GALNT13: variants seen among roughly 807,000 people sequenced by gnomAD.
GALNT13 encodes UDP-GalNAc:polypeptide N-acetylgalactosaminyltransferase 13.
Under a neutral mutation model 64.2 loss-of-function variants are expected in GALNT13, and 28 were observed. That is an observed-to-expected ratio of 0.44 (90% confidence interval 0.32 to 0.60). The LOEUF is 0.60. Ranked by LOEUF, GALNT13 falls within the 20% of genes least tolerant of loss-of-function variation. The pLI, the probability that GALNT13 is intolerant of heterozygous loss-of-function variation, is 0.05. For missense variants in GALNT13, 577 were observed against 669.8 expected (o/e 0.86, Z 1.53); for synonymous variants, 214 against 224.6 (o/e 0.95, Z 0.42).
the GALNT13 span, among the ~76,000 whole-genome samples, chr2:153,635,428 G>GTA: frequency 1.4e-3 from 198 of 142,402 alleles, 4 homozygotes; most frequent in Middle Eastern, 3.7e-3. Flanking sequence ...ACATATATAT[G>GTA]TATATATATA....
At chr2:154,196,254 G>A (rs182203027) in intron 4 of GALNT13, among the ~76,000 whole-genome samples, 6 of 151,006 alleles carry the variant, frequency 4.0e-5, no homozygotes, top group African/African-American at 4.8e-5. Context: ...CATGAATTAC[G>A]TGTGAGAATT....
At chr2:153,925,498 C>CT (rs35443709) in intron 2 of GALNT13, among the ~76,000 whole-genome samples, 21,356 of 117,386 alleles carry the variant, frequency 0.18, 2,447 homozygotes, top group Middle Eastern at 0.29. Flanking sequence ...AAGCCTCGAG[C>CT]TTTTTTTTTT....
chr2:154,088,655 A>T (rs1476720076), intron 3 of GALNT13, among the ~76,000 whole-genome samples: 2 of 151,936 alleles, frequency 1.3e-5, no homozygotes, highest in African/African-American at 4.8e-5. Context: ...GTTTCCCCAC[A>T]TTGGCCATGC....
At chr2:153,559,199 T>C in the GALNT13 span, among the ~76,000 whole-genome samples, 3 of 152,320 alleles carry the variant, frequency 2.0e-5, no homozygotes, top group African/African-American at 7.2e-5. Context: ...CCTAATTCTA[T>C]GTAATAGCCA....
intron 3 of GALNT13, among the ~76,000 whole-genome samples, chr2:154,093,902 C>G (rs967925515): frequency 6.6e-6 from 1 of 151,450 alleles, no homozygotes; most frequent in Admixed American, 6.6e-5. Flanking sequence ...TTGTTAAACT[C>G]GATAAAAGCT....
the GALNT13 span, among the ~76,000 whole-genome samples, chr2:153,699,407 C>T: frequency 1.3e-5 from 2 of 151,844 alleles, no homozygotes; most frequent in Non-Finnish European, 2.9e-5. Flanking sequence ...TAATTTGACA[C>T]CAAAACATCA....
chr2:154,350,306 G>T (rs183436821), intron 9 of GALNT13, among the ~76,000 whole-genome samples: 1 of 152,170 alleles, frequency 6.6e-6, no homozygotes, highest in African/African-American at 2.4e-5. Flanking sequence ...TAAATCAGCT[G>T]CCAGCACAGC....
the GALNT13 span, among the ~76,000 whole-genome samples, chr2:153,503,942 G>A: frequency 6.6e-6 from 1 of 151,996 alleles, no homozygotes; most frequent in African/African-American, 2.4e-5. Context: ...ATATTGATGG[G>A]AATTGAGTTG....
chr2:153,164,779 A>G, the GALNT13 span, among the ~76,000 whole-genome samples: 5 of 152,132 alleles, frequency 3.3e-5, no homozygotes, highest in Admixed American at 1.3e-4. Context: ...GATCTATAGA[A>G]CCTCTTTATC....
chr2:154,430,053 G>C (rs1397848911), intron 11 of GALNT13, among the ~76,000 whole-genome samples: 1 of 152,188 alleles, frequency 6.6e-6, no homozygotes, highest in African/African-American at 2.4e-5. Context: ...CAAGAGCTCT[G>C]TTGGAGATGT....
the GALNT13 span, among the ~76,000 whole-genome samples, chr2:153,204,523 C>T: frequency 1.3e-5 from 2 of 152,112 alleles, no homozygotes; most frequent in African/African-American, 2.4e-5. Flanking sequence ...TGGTTTGGGT[C>T]AAGTTCTGTA....
intron 4 of GALNT13, among the ~76,000 whole-genome samples, chr2:154,225,133 T>TAGATAGATGAC (rs1553499064): frequency 2.4e-3 from 248 of 101,836 alleles, no homozygotes; most frequent in Middle Eastern, 5.4e-3. Context: ...GATAGATAGA[T>TAGATAGATGAC]AGATAGATAG....
chr2:154,035,832 A>G (rs1044301098), intron 3 of GALNT13, among the ~76,000 whole-genome samples: 2 of 152,082 alleles, frequency 1.3e-5, no homozygotes, highest in African/African-American at 2.4e-5. Flanking sequence ...GCATTGTTAT[A>G]TTATGAATAT....
the GALNT13 span, among the ~76,000 whole-genome samples, chr2:153,496,722 A>C: frequency 6.4e-3 from 981 of 152,290 alleles, 10 homozygotes; most frequent in African/African-American, 0.023. Context: ...ACAGTGGCTC[A>C]TGCCTATAAT....
At chr2:153,474,176 C>A in the GALNT13 span, among the ~76,000 whole-genome samples, 9 of 152,284 alleles carry the variant, frequency 5.9e-5, no homozygotes, top group South Asian at 1.5e-3. Flanking sequence ...ATTTTTAAGA[C>A]ACATAATTAA....
chr2:153,497,522 A>ATGTTTTT, the GALNT13 span, among the ~76,000 whole-genome samples: 1 of 36,896 alleles, frequency 2.7e-5, no homozygotes, highest in Non-Finnish European at 4.8e-5. Flanking sequence ...TTTCTCCCGC[A>ATGTTTTT]TTTTTTTTTT....
chr2:153,344,514 C>T, the GALNT13 span, among the ~76,000 whole-genome samples: 4 of 152,016 alleles, frequency 2.6e-5, no homozygotes, highest in African/African-American at 4.8e-5. Flanking sequence ...TTTTTTGAGA[C>T]GGAGCCTCAT....
chr2:154,138,842 G>T (rs539985115), intron 3 of GALNT13, among the ~76,000 whole-genome samples: 139 of 152,002 alleles, frequency 9.1e-4, no homozygotes, highest in African/African-American at 3.3e-3. Flanking sequence ...AACACCTAAA[G>T]AAAATTATTT....
At chr2:154,146,124 ATG>A (rs1229124539) in intron 4 of GALNT13, among the ~76,000 whole-genome samples, 40 of 130,668 alleles carry the variant, frequency 3.1e-4, no homozygotes, top group African/African-American at 7.5e-4. Flanking sequence ...TGCACAATGT[ATG>A]TGTGTGTGTG....
Sources: gnomAD v4.1 joint callset for allele counts (sites outside exome capture counted in the v4.1 genomes callset) on GRCh38, gnomAD v4.1.1 for gene constraint, MANE v1.5 for transcripts, NCBI Gene and HGNC (gene_info 2026-07-23, HGNC 2026-07-21) for gene names.